The following NALF1 variants were observed in gnomAD, a reference collection of about 807,000 sequenced individuals.
NALF1 encodes the protein NALCN channel auxiliary factor 1.
Under a neutral mutation model 48.4 loss-of-function variants are expected in NALF1, and 3 were observed. The observed-to-expected ratio is 0.06, with a 90% CI of 0.03 to 0.16. The LOEUF (loss-of-function observed/expected upper bound fraction) is 0.16, where lower values mean the gene tolerates loss of function less well. Among genes scored for constraint, NALF1 ranks in the 10% least tolerant of loss-of-function variants. The pLI, the probability that NALF1 is intolerant of heterozygous loss-of-function variation, is 1.00. For synonymous variants in NALF1, 262 were observed against 245.7 expected (o/e 1.07, Z -0.62); for missense variants, 526 against 571.5 (o/e 0.92, Z 0.81).
intron 1 of NALF1, among the ~76,000 whole-genome samples, chr13:107,456,865 G>A (rs1438486097): frequency 6.6e-6 from 1 of 152,070 alleles, no homozygotes; most frequent in African/African-American, 2.4e-5. Flanking sequence ...TTCACCCACA[G>A]TTCCTGTAAA....
At chr13:107,180,794 G>A (rs1879044944) in intron 2 of NALF1, among the ~76,000 whole-genome samples, 1 of 151,742 alleles carries the variant, frequency 6.6e-6, no homozygotes, top group African/African-American at 2.4e-5. Flanking sequence ...TATAGTGATA[G>A]TTTTAGAAAG....
chr13:107,865,585 CA>C, intron 1 of NALF1, 96 bp downstream of exon 1: 1 of 1,490,820 alleles, frequency 6.7e-7, no homozygotes. Flanking sequence ...GTAACAAAAC[CA>C]TAGCCAAAAA....
At chr13:107,255,140 C>T (rs1216648153) in intron 1 of NALF1, among the ~76,000 whole-genome samples, 3 of 152,164 alleles carry the variant, frequency 2.0e-5, no homozygotes, top group Non-Finnish European at 4.4e-5. Flanking sequence ...ACCTGCCATT[C>T]CCATTTTAAA....
chr13:107,774,791 A>G (rs1027261254), intron 1 of NALF1, among the ~76,000 whole-genome samples: 6 of 152,120 alleles, frequency 3.9e-5, no homozygotes, highest in African/African-American at 1.4e-4. Flanking sequence ...CATGCTATGA[A>G]GGAGCTGAAA....
chr13:107,652,404 T>C (rs1274267802), intron 1 of NALF1, among the ~76,000 whole-genome samples: 1 of 152,194 alleles, frequency 6.6e-6, no homozygotes, highest in African/African-American at 2.4e-5. Context: ...TAACTAAATA[T>C]AATATTGTTT....
intron 1 of NALF1, among the ~76,000 whole-genome samples, chr13:107,653,931 G>C (rs996395217): frequency 2.6e-5 from 4 of 151,872 alleles, no homozygotes; most frequent in African/African-American, 9.7e-5. Flanking sequence ...CAGCATTAAA[G>C]AAAAAACTCA....
At chr13:107,315,571 A>G (rs2138908257) in intron 1 of NALF1, among the ~76,000 whole-genome samples, 1 of 152,204 alleles carries the variant, frequency 6.6e-6, no homozygotes, top group Non-Finnish European at 1.5e-5. Flanking sequence ...TGCAATTTCC[A>G]AGGTACTTTG....
chr13:107,281,062 G>T (rs1268147312), intron 1 of NALF1, among the ~76,000 whole-genome samples: 1 of 152,108 alleles, frequency 6.6e-6, no homozygotes, highest in Non-Finnish European at 1.5e-5. Flanking sequence ...TCTATTCAGG[G>T]ACTGTATTCC....
chr13:107,546,417 T>C (rs1437115423), intron 1 of NALF1, among the ~76,000 whole-genome samples: 1 of 152,186 alleles, frequency 6.6e-6, no homozygotes, highest in Admixed American at 6.6e-5. Context: ...ATTGACCTCA[T>C]GGGTGATATG....
At chr13:107,450,116 T>A (rs903537429) in intron 1 of NALF1, among the ~76,000 whole-genome samples, 4 of 152,120 alleles carry the variant, frequency 2.6e-5, no homozygotes, top group Admixed American at 2.6e-4. Context: ...CCAAGCTAAG[T>A]GATTCCTTCC....
intron 1 of NALF1, among the ~76,000 whole-genome samples, chr13:107,662,436 AAC>A (rs1236311478): frequency 6.6e-6 from 1 of 152,202 alleles, no homozygotes; most frequent in African/African-American, 2.4e-5. Context: ...TGAAAGCATG[AAC>A]AGTGTTGCCT....
At chr13:107,529,692 G>T (rs1310493562) in intron 1 of NALF1, among the ~76,000 whole-genome samples, 1 of 152,090 alleles carries the variant, frequency 6.6e-6, no homozygotes, top group Non-Finnish European at 1.5e-5. Context: ...TGTGATGATT[G>T]GAAGATGTGA....
intron 1 of NALF1, among the ~76,000 whole-genome samples, chr13:107,354,333 G>A (rs1882925492): frequency 6.6e-6 from 1 of 152,054 alleles, no homozygotes; most frequent in South Asian, 2.1e-4. Flanking sequence ...CCATGCAGGA[G>A]GAAAGGGTAA....
chr13:107,445,164 T>A (rs554326552), intron 1 of NALF1, among the ~76,000 whole-genome samples: 14 of 152,148 alleles, frequency 9.2e-5, no homozygotes, highest in Non-Finnish European at 2.1e-4. Flanking sequence ...CCATCACTTG[T>A]GTAGTTTCAA....
chr13:107,263,804 C>A (rs543960856), intron 1 of NALF1, among the ~76,000 whole-genome samples: 1 of 152,244 alleles, frequency 6.6e-6, no homozygotes, highest in African/African-American at 2.4e-5. Flanking sequence ...AGACAATGGT[C>A]TGTACAACCC....
intron 1 of NALF1, among the ~76,000 whole-genome samples, chr13:107,277,582 T>C (rs1311325416): frequency 6.6e-6 from 1 of 152,154 alleles, no homozygotes; most frequent in Non-Finnish European, 1.5e-5. Flanking sequence ...CTTTGGAAAA[T>C]GGCTAAGTGA....
At chr13:107,553,772 T>A (rs1877370348) in intron 1 of NALF1, among the ~76,000 whole-genome samples, 1 of 152,226 alleles carries the variant, frequency 6.6e-6, no homozygotes, top group South Asian at 2.1e-4. Context: ...TGTCTCTGCT[T>A]CAACTTTAAG....
intron 1 of NALF1, among the ~76,000 whole-genome samples, chr13:107,257,376 A>G (rs1267494171): frequency 6.6e-6 from 1 of 152,184 alleles, no homozygotes; most frequent in East Asian, 1.9e-4. Context: ...TTAACTAATA[A>G]TAGGGAATTT....
chr13:107,547,025 C>G (rs556592605), intron 1 of NALF1, among the ~76,000 whole-genome samples: 2 of 152,186 alleles, frequency 1.3e-5, no homozygotes, highest in Non-Finnish European at 2.9e-5. Context: ...GAGATAATAC[C>G]TGTATCATAG....
Sources: allele counts gnomAD v4.1 joint callset (sites outside exome capture counted in the v4.1 genomes callset), GRCh38; gene constraint gnomAD v4.1.1; transcripts MANE v1.5; gene names NCBI Gene and HGNC (gene_info 2026-07-23, HGNC 2026-07-21).